The following NAV3 variants were observed in gnomAD, a reference collection of about 807,000 sequenced individuals.
NAV3 encodes the protein pore membrane and/or filament interacting like protein 1.
Under a neutral mutation model 244.7 loss-of-function variants are expected in NAV3, and 87 were observed. That is an observed-to-expected ratio of 0.36 (90% CI 0.30 to 0.42). The LOEUF (loss-of-function observed/expected upper bound fraction) is 0.42, where lower values mean the gene tolerates loss of function less well. Among genes scored for constraint, NAV3 ranks in the 20% least tolerant of loss-of-function variants. The probability of loss-of-function intolerance (pLI) is 1.00; values close to 1 mark genes in which losing one functional copy is unlikely to be tolerated. For missense variants in NAV3, 2,663 were observed against 2,893.3 expected, an observed-to-expected ratio of 0.92 and a Z score of 1.83; for synonymous variants, 1,126 against 1,042.2, an observed-to-expected ratio of 1.08 and a Z score of -1.55.
intron 9 of NAV3, among the ~76,000 whole-genome samples, chr12:78,037,705 A>G (rs773685031): frequency 6.6e-6 from 1 of 152,118 alleles, no homozygotes; most frequent in Non-Finnish European, 1.5e-5. Context: ...AACTCCAAAC[A>G]TGTTTTTCAC....
intron 2 of NAV3, among the ~76,000 whole-genome samples, chr12:77,784,160 CA>C (rs1249037287): frequency 1.3e-5 from 2 of 152,100 alleles, no homozygotes; most frequent in Non-Finnish European, 2.9e-5. Flanking sequence ...CACTCAGTAA[CA>C]ACACTCAGTA....
intron 2 of NAV3, among the ~76,000 whole-genome samples, chr12:77,771,045 A>G (rs1433894740): frequency 6.6e-6 from 1 of 152,194 alleles, no homozygotes; most frequent in African/African-American, 2.4e-5. Context: ...AGAATCTACA[A>G]TGAACTGAAA....
At chr12:78,041,410 T>A (rs1172599208) in intron 9 of NAV3, among the ~76,000 whole-genome samples, 1 of 152,198 alleles carries the variant, frequency 6.6e-6, no homozygotes, top group East Asian at 1.9e-4. Flanking sequence ...GTAGTAATGT[T>A]TGCCTGAAAA....
At chr12:78,066,202 A>C (rs1388641082) in intron 12 of NAV3, among the ~76,000 whole-genome samples, 4 of 152,088 alleles carry the variant, frequency 2.6e-5, no homozygotes. Context: ...ATCTGCTGGC[A>C]CCTTGATAAA....
chr12:78,179,706 G>A (rs1163903073), intron 29 of NAV3, 24 bp downstream of exon 29: 5 of 1,583,158 alleles, frequency 3.2e-6, no homozygotes, highest in Non-Finnish European at 4.3e-6. Flanking sequence ...CACTTTCAAG[G>A]AATAAAATGG....
In NAV3 at chr12:77,905,943, G is replaced by A. The variant is rs559811564; in HGVS notation, c.244-34376G>A. 5.3e-5 allele frequency among the ~76,000 whole-genome samples: 8 copies of A among 152,158 alleles called. No individual in the cohort carries two copies. The South Asian group carries it at 1.2e-3, about 24-fold the overall frequency. The stretch of plus-strand genomic sequence containing the variant: ...TCACTTTCGTGAGTACCGTTCCCAC[G>A]ATCTACTGGGTAGTTAACTGTCACT... On this transcript the variant is annotated intron_variant, in intron 1 of 39. Coordinates refer to ENST00000397909, the MANE Select transcript of NAV3 (RefSeq NM_001024383.2).
At chr12:78,147,612 G>GAAAA (rs35483763) in intron 21 of NAV3, among the ~76,000 whole-genome samples, 1 of 141,610 alleles carries the variant, frequency 7.1e-6, no homozygotes, top group Admixed American at 7.2e-5. Context: ...ATCTGTTCCG[G>GAAAA]AAAAAAAAAA....
At chr12:77,972,520 T>G (rs1893082604) in intron 5 of NAV3, among the ~76,000 whole-genome samples, 1 of 152,168 alleles carries the variant, frequency 6.6e-6, no homozygotes, top group South Asian at 2.1e-4. Context: ...ATTAAGCATC[T>G]TATTTGCATT....
At chr12:78,198,536 A>G in intron 35 of NAV3, 69 bp from the exon 36 acceptor site, 1 of 946,478 alleles carries the variant, frequency 1.1e-6, no homozygotes, top group Non-Finnish European at 1.6e-6. Flanking sequence ...GTAGTTTTCC[A>G]AGATAATTTT....
chr12:77,927,166 A>G (rs1888303662), intron 1 of NAV3, among the ~76,000 whole-genome samples: 1 of 152,258 alleles, frequency 6.6e-6, no homozygotes, highest in Non-Finnish European at 1.5e-5. Flanking sequence ...TTTTTAAAAC[A>G]TACTGTGTGG....
At chr12:77,845,389 T>G (rs1876447213) in intron 1 of NAV3, among the ~76,000 whole-genome samples, 1 of 152,028 alleles carries the variant, frequency 6.6e-6, no homozygotes, top group South Asian at 2.1e-4. Flanking sequence ...TAATATTGAA[T>G]GACTTTATTT....
chr12:77,948,011 C>A (rs1239332787), intron 3 of NAV3, among the ~76,000 whole-genome samples: 2 of 151,872 alleles, frequency 1.3e-5, no homozygotes, highest in Non-Finnish European at 2.9e-5. Flanking sequence ...CTCATTTCTG[C>A]AATGAGGAAA....
At chr12:77,626,768 C>G (rs1050903326) in intron 2 of NAV3, among the ~76,000 whole-genome samples, 1 of 152,138 alleles carries the variant, frequency 6.6e-6, no homozygotes, top group Non-Finnish European at 1.5e-5. Flanking sequence ...AAACAGGGAA[C>G]TCATCTCCAT....
At chr12:77,980,695 T>A (rs552206444) in intron 5 of NAV3, among the ~76,000 whole-genome samples, 46 of 152,166 alleles carry the variant, frequency 3.0e-4, no homozygotes, top group Non-Finnish European at 6.0e-4. Flanking sequence ...TACTCCAAAC[T>A]AAAAATTGAA....
chr12:78,075,129 A>G (rs1040876572), intron 12 of NAV3, among the ~76,000 whole-genome samples: 6 of 152,212 alleles, frequency 3.9e-5, no homozygotes, highest in African/African-American at 1.2e-4. Flanking sequence ...TTCCCTGTAT[A>G]TCTGACACGT....
At chr12:77,707,013 C>T (rs952008857) in intron 2 of NAV3, among the ~76,000 whole-genome samples, 19 of 151,626 alleles carry the variant, frequency 1.3e-4, no homozygotes, top group African/African-American at 4.6e-4. Context: ...TACGAAATTC[C>T]TACTTCCTCT....
chr12:77,670,935 C>T (rs763150209), intron 2 of NAV3, among the ~76,000 whole-genome samples: 3 of 152,050 alleles, frequency 2.0e-5, no homozygotes, highest in Non-Finnish European at 4.4e-5. Context: ...AAGTCCTAGC[C>T]AGAGCAATCA....
intron 38 of NAV3, among the ~76,000 whole-genome samples, chr12:78,201,828 G>C (rs889882447): frequency 2.0e-5 from 3 of 151,918 alleles, no homozygotes; most frequent in Non-Finnish European, 4.4e-5. Flanking sequence ...CTACAATAGT[G>C]TGTTGTCTTT....
At chr12:78,092,764 T>A (rs951865203) in intron 12 of NAV3, among the ~76,000 whole-genome samples, 1 of 152,070 alleles carries the variant, frequency 6.6e-6, no homozygotes. Context: ...CCTCCCAAAG[T>A]GCTGGGATTA....
Sources: gnomAD v4.1 joint callset for allele counts (sites outside exome capture counted in the v4.1 genomes callset) on GRCh38, gnomAD v4.1.1 for gene constraint, MANE v1.5 for transcripts, NCBI Gene and HGNC (gene_info 2026-07-23, HGNC 2026-07-21) for gene names.